The following PPP1R9B variants were observed in gnomAD, a reference collection of about 807,000 sequenced individuals.
PPP1R9B encodes the protein neurabin-2.
PPP1R9B carries 17 observed loss-of-function variants against 75.8 expected under a neutral mutation model. The observed-to-expected ratio is 0.22, with a 90% CI of 0.15 to 0.34. PPP1R9B has a LOEUF of 0.34. Ranked by LOEUF, PPP1R9B falls within the 10% of genes least tolerant of loss-of-function variation. The pLI, the probability that PPP1R9B is intolerant of heterozygous loss-of-function variation, is 1.00. For missense variants in PPP1R9B, 875 were observed against 1,196.0 expected (o/e 0.73, Z 3.96); for synonymous variants, 509 against 535.4 (o/e 0.95, Z 0.68).
chr17:50,149,325 C>T lies in PPP1R9B; in HGVS notation c.1189G>A (p.Ala397Thr), dbSNP rs759286801. 3.1e-6 allele frequency: 5 copies of T among 1,613,528 alleles called. No homozygotes were observed. The Admixed American group carries it at 5.0e-5, about 16-fold the overall frequency. The change falls in exon 1 of 10, where the codon GCC becomes ACC. Residue 397 changes from alanine (A) to threonine (T), a missense_variant. Ala to Thr is a moderately conservative substitution (Grantham distance 58). Coordinates refer to ENST00000612501, the MANE Select transcript of PPP1R9B (RefSeq NM_032595.5). This position sits in a 1 kb window ranked among gnomAD's most constrained non-coding sequence, Gnocchi z 7.2. ...FSEADLVDVS[A>T]YSGLGEDSAG... ...GAGTCCTCCCCGAGCCCACTGTAGG[C>T]GCTCACGTCCACCAAGTCCGCCTCC...
intron 7 of PPP1R9B, among the ~76,000 whole-genome samples, chr17:50,137,806 G>A (rs918050411): frequency 3.3e-5 from 5 of 152,086 alleles, no homozygotes; most frequent in Non-Finnish European, 7.4e-5. Flanking sequence ...ACCTCTCCCC[G>A]ACAGGCATGC....
rs1241238521 is a variant in PPP1R9B, at chr17:50,134,949, T to C, written c.*382A>G. On this transcript the variant is annotated 3_prime_UTR_variant, in exon 10 of 10. Coordinates refer to ENST00000612501, the MANE Select transcript of PPP1R9B (RefSeq NM_032595.5). ...CCATGGGCAGGGAGCAGCCCCCAGTTGGCAGATGCTGGGAGAGCCCCAGCC... is the reference window on the plus strand; with the variant it reads ...CCATGGGCAGGGAGCAGCCCCCAGTCGGCAGATGCTGGGAGAGCCCCAGCC... 9.1e-6 allele frequency: 2 copies of C among 219,528 alleles called. No individual in the cohort carries two copies. Among genetic ancestry groups the C allele is most frequent in the African/African-American group, 2.3e-5 (1 of 43,474 alleles). 13.6% of individuals were successfully genotyped at this position (219,528 alleles called of 1,614,324 possible).
intron 4 of PPP1R9B, among the ~76,000 whole-genome samples, chr17:50,140,771 G>T (rs114510932): frequency 3.3e-5 from 5 of 152,186 alleles, no homozygotes; most frequent in African/African-American, 1.2e-4. Flanking sequence ...CCTCTTGCAG[G>T]GGGGCAGGGA....
chr17:50,147,374 A>G (rs1175275382), intron 1 of PPP1R9B, among the ~76,000 whole-genome samples: 1 of 152,222 alleles, frequency 6.6e-6, no homozygotes, highest in African/African-American at 2.4e-5. Flanking sequence ...ACTTGGCATC[A>G]AGGCAGGGGC....
chr17:50,145,683 G>A (rs1011855665), intron 1 of PPP1R9B, among the ~76,000 whole-genome samples: 1 of 152,068 alleles, frequency 6.6e-6, no homozygotes, highest in Non-Finnish European at 1.5e-5. Flanking sequence ...AGGGGAAGAG[G>A]AGGAGGGGAG....
chr17:50,148,563 G>C (rs563675444), intron 1 of PPP1R9B, among the ~76,000 whole-genome samples: 2 of 152,230 alleles, frequency 1.3e-5, no homozygotes, highest in Non-Finnish European at 2.9e-5. Flanking sequence ...TCACCCTCAC[G>C]ATCTGCTTCC....
In PPP1R9B at chr17:50,150,256, C is replaced by G; in HGVS notation, c.258G>C (p.Ala86=). Residue 86 remains alanine (A), a synonymous_variant, in exon 1 of 10, where the codon GCG becomes GCC. Transcript: ENST00000612501. The surrounding 1 kb of genome is among the most constrained non-coding windows in gnomAD (Gnocchi z 8.7). The part of the protein sequence containing the change: ...GGAGLAEAPR[A]SERGVRLSLP... The stretch of plus-strand genomic sequence containing the variant: ...GCGACAGGCGCACGCCGCGCTCGGA[C>G]GCCCGTGGGGCCTCGGCCAGGCCCG... The G allele has an allele frequency of 7.0e-7, 1 of 1,438,012 alleles. No homozygotes were observed. 89.1% of individuals were successfully genotyped at this position (1,438,012 alleles called of 1,614,324 possible). A position where few individuals can be genotyped will look rare whatever the true frequency, so the allele number is the denominator to read the frequency against.
At position 50,149,388 on chromosome 17, in the gene PPP1R9B, G is replaced by A. The variant is rs1912613791; in HGVS notation, c.1126C>T (p.Pro376Ser). Reference sequence around the variant, plus strand: ...TTCTTGGATTCATCTACCTCCTCAGGGGCCACGTCCGGGGCCCGGCCATTG... The same window carrying A: ...TTCTTGGATTCATCTACCTCCTCAGAGGCCACGTCCGGGGCCCGGCCATTG... ...VGNGRAPDVA[P>S]EEVDESKKED... Residue 376 changes from proline to serine, a missense_variant, in exon 1 of 10, where the codon CCT becomes TCT. Pro to Ser is a moderately conservative substitution (Grantham distance 74). Coordinates refer to ENST00000612501, the MANE Select transcript of PPP1R9B (RefSeq NM_032595.5). The surrounding 1 kb of genome is among the most constrained non-coding windows in gnomAD (Gnocchi z 7.2). 4 of 1,612,648 alleles carry A rather than the reference G, an allele frequency of 2.5e-6. No homozygotes were observed. Among genetic ancestry groups the A allele is most frequent in the Non-Finnish European group, 3.4e-6 (4 of 1,179,630 alleles).
Position 50,149,433 on chromosome 17 carries a change from G to C in PPP1R9B, c.1081C>G (p.Pro361Ala). The C allele has an allele frequency of 6.2e-7, 1 of 1,607,796 alleles. No homozygotes were observed. Among genetic ancestry groups the C allele is most frequent in the Non-Finnish European group, 8.5e-7 (1 of 1,177,862 alleles). Residue 361 changes from proline (P) to alanine (A), a missense_variant, in exon 1 of 10, where the codon CCG (proline) becomes GCG (alanine). By Grantham distance (27) the Pro-to-Ala change is conservative (BLOSUM62 -1). Around this residue, in one of 4 missense-constraint regions of PPP1R9B, gnomAD observed 449 missense variants for 475.0 expected, o/e 0.95. Coordinates refer to ENST00000612501, the MANE Select transcript of PPP1R9B (RefSeq NM_032595.5). This position sits in a 1 kb window ranked among gnomAD's most constrained non-coding sequence, Gnocchi z 7.2. ...APEKEAAAVA[P>A]PERGVGNGRA... Reference sequence around the variant, plus strand: ...CCATTGCCCACCCCCCTCTCTGGCGGCGCTACCGCCGCCGCCTCCTTCTCC... The same window carrying C: ...CCATTGCCCACCCCCCTCTCTGGCGCCGCTACCGCCGCCGCCTCCTTCTCC...
chr17:50,139,333 C>T lies in PPP1R9B; in HGVS notation c.2020-17G>A, dbSNP rs377141557. ...GATCTGGAGCTGTTGGGCAGAGGGG[C>T]AGGCACTCAGCTCCAGCAGGGTGGG... On this transcript the variant is annotated splice_polypyrimidine_tract_variant and intron_variant, in intron 6 of 9. Coordinates refer to ENST00000612501, the MANE Select transcript of PPP1R9B (RefSeq NM_032595.5). The surrounding 1 kb of genome is among the most constrained non-coding windows in gnomAD (Gnocchi z 5.0). 3,788 of 1,613,994 alleles carry T rather than the reference C, an allele frequency of 2.3e-3. 8 individuals carry two copies. The highest frequency in any genetic ancestry group is 3.0e-3 in the Non-Finnish European group (3,547 of 1,179,864).
Position 50,149,737 on chromosome 17 carries a change from GGGCGGCGGC to G in PPP1R9B, c.768_776del (p.Pro257_Pro259del). ...CGGCCGGGGCATCCCCCGACGGGGC[GGGCGGCGGC>G]GGCGGCGGGGGCTGGAACACCCGGG... On this transcript the variant is annotated inframe_deletion, in exon 1 of 10. Transcript: ENST00000612501. The surrounding 1 kb of genome is among the most constrained non-coding windows in gnomAD (Gnocchi z 7.2). 2 of 1,406,966 alleles carry G rather than the reference GGGCGGCGGC, an allele frequency of 1.4e-6. No homozygotes were observed. Among genetic ancestry groups the G allele is most frequent in the African/African-American group, 1.5e-5 (1 of 65,814 alleles). The allele number at this position is 1,406,966 out of a possible 1,614,324, so 87.2% of individuals were successfully genotyped here.
In PPP1R9B at chr17:50,145,057, T is replaced by C. The variant is rs545020316; in HGVS notation, c.1504+56A>G. 4.8e-4 allele frequency: 761 copies of C among 1,593,576 alleles called. 1 individual carries two copies. Among genetic ancestry groups the C allele is most frequent in the Admixed American group, 3.2e-3 (182 of 57,560 alleles). On this transcript the variant is annotated intron_variant, in intron 2 of 9. Transcript: ENST00000612501. ...ACAGGGCAGGAGCTGGTGCCAGAGA[T>C]GAGACCCGGGTCAACCCCAGCTGTG...
At chr17:50,144,296 A>T (rs1205214662) in intron 2 of PPP1R9B, among the ~76,000 whole-genome samples, 1 of 151,666 alleles carries the variant, frequency 6.6e-6, no homozygotes, top group East Asian at 1.9e-4. Context: ...CCTCCCTCCC[A>T]CTCACAGCCT....
chr17:50,145,657 A>T (rs1244621325), intron 1 of PPP1R9B, among the ~76,000 whole-genome samples: 1 of 151,902 alleles, frequency 6.6e-6, no homozygotes, highest in Non-Finnish European at 1.5e-5. Context: ...AGAGGAAGGA[A>T]CAGGCTGAGC....
At position 50,135,096 on chromosome 17, in the gene PPP1R9B, C is replaced by G; in HGVS notation, c.*235G>C. 1 of 581,050 alleles carries G rather than the reference C, an allele frequency of 1.7e-6. No individual in the cohort carries two copies. Among genetic ancestry groups the G allele is most frequent in the South Asian group, 2.0e-5 (1 of 49,330 alleles). The allele number at this position is 581,050 out of a possible 1,614,324, so 36.0% of individuals were successfully genotyped here. On this transcript the variant is annotated 3_prime_UTR_variant, in exon 10 of 10. Transcript: ENST00000612501. ...GCCCTCGGCCTCTGTGCCTCAGCCCCATGGGGCAAGAAAGAGGCTGCCCTT... is the reference window on the plus strand; with the variant it reads ...GCCCTCGGCCTCTGTGCCTCAGCCCGATGGGGCAAGAAAGAGGCTGCCCTT...
intron 1 of PPP1R9B, among the ~76,000 whole-genome samples, chr17:50,147,912 A>G (rs923559899): frequency 6.6e-6 from 1 of 152,182 alleles, no homozygotes; most frequent in Non-Finnish European, 1.5e-5. Flanking sequence ...TTCAGAGTCC[A>G]GGAGTAGTTA....
In PPP1R9B at chr17:50,139,416, C is replaced by T. The variant is rs778335861; in HGVS notation, c.2019+13G>A. ...CCTTTCCCTCCACCACTCCAGGGAG[C>T]CCCTCCTCCCACCTCCTTGAACTTG... is the stretch of plus-strand genomic sequence containing the variant. On this transcript the variant is annotated intron_variant, in intron 6 of 9. Coordinates refer to ENST00000612501, the MANE Select transcript of PPP1R9B (RefSeq NM_032595.5). The surrounding 1 kb of genome is among the most constrained non-coding windows in gnomAD (Gnocchi z 5.0). 6.2e-7 allele frequency: 1 copy of T among 1,610,942 alleles called. No individual in the cohort carries two copies. The highest frequency in any genetic ancestry group is 1.7e-5 in the Admixed American group (1 of 59,966).
rs907807533 is a variant in PPP1R9B at position 50,149,030 on chromosome 17, G to T, written c.1371+113C>A. The T allele has an allele frequency of 8.3e-6, 6 of 720,550 alleles. No individual in the cohort carries two copies. In the East Asian group the frequency reaches 1.9e-4, roughly 23 times the overall value. 44.6% of individuals were successfully genotyped at this position (720,550 alleles called of 1,614,324 possible). On this transcript the variant is annotated intron_variant, in intron 1 of 9. Transcript: ENST00000612501. The surrounding 1 kb of genome is among the most constrained non-coding windows in gnomAD (Gnocchi z 7.2). ...GGTGGGAACTTCTGGGAAGGGGGCT[G>T]GGTGGCAGGGGCTGACTCAGCCTGC...
At chr17:50,138,405 G>A (rs945185992) in intron 7 of PPP1R9B, among the ~76,000 whole-genome samples, 1 of 152,114 alleles carries the variant, frequency 6.6e-6, no homozygotes, top group African/African-American at 2.4e-5. Flanking sequence ...TTGTCTCTGT[G>A]ACTGTGTCTG....
Sources: gnomAD v4.1 joint callset for allele counts (sites outside exome capture counted in the v4.1 genomes callset) on GRCh38, gnomAD v4.1.1 for gene constraint, gnomAD v4.1.1 regional missense constraint, Gnocchi (gnomAD v3.1) non-coding constraint, MANE v1.5 for transcripts, NCBI Gene and HGNC (gene_info 2026-07-23, HGNC 2026-07-21) for gene names.